Variants in TYW1B observed in about 807,000 individuals in gnomAD.
TYW1B encodes tRNA-yW synthesizing protein 1 homolog B.
Under a neutral mutation model 86.9 loss-of-function variants are expected in TYW1B, and 73 were observed. That is an observed-to-expected ratio of 0.84 (90% CI 0.70 to 1.02). TYW1B has a LOEUF of 1.02. Among genes scored for constraint, TYW1B ranks in the 50% least tolerant of loss-of-function variants. The pLI is 0.00. For synonymous variants in TYW1B, 248 were observed against 292.8 expected (o/e 0.85, Z 1.56); for missense variants, 637 against 827.4 (o/e 0.77, Z 2.82).
chr7:72,680,300 G>A (rs1286409493), intron 11 of TYW1B, among the ~76,000 whole-genome samples: 2 of 152,266 alleles, frequency 1.3e-5, no homozygotes, highest in Admixed American at 6.5e-5. Context: ...CTCAGTCTGG[G>A]TGGGCACCAT....
At chr7:72,818,031 C>T (rs1376526320) in intron 2 of TYW1B, among the ~76,000 whole-genome samples, 1 of 151,518 alleles carries the variant, frequency 6.6e-6, no homozygotes, top group African/African-American at 2.4e-5. Context: ...TTGCCGCCCT[C>T]CCCTTGGTGT....
intron 11 of TYW1B, among the ~76,000 whole-genome samples, chr7:72,647,478 T>C (rs1161076567): frequency 1.3e-5 from 2 of 152,196 alleles, no homozygotes; most frequent in African/African-American, 4.8e-5. Context: ...TCCCAAGGAA[T>C]GGCTAGATGA....
chr7:72,821,735 A>G (rs1464725451), intron 2 of TYW1B, among the ~76,000 whole-genome samples: 4 of 152,162 alleles, frequency 2.6e-5, no homozygotes, highest in Non-Finnish European at 5.9e-5. Flanking sequence ...GTTGTATAAA[A>G]AGAAGTCAAA....
intron 13 of TYW1B, among the ~76,000 whole-genome samples, chr7:72,579,726 T>C (rs184902822): frequency 1.3e-5 from 2 of 152,154 alleles, no homozygotes; most frequent in Middle Eastern, 3.2e-3. Flanking sequence ...CTATTGCACA[T>C]TGCAGCCTCA....
At position 72,802,309 on chromosome 7, in the gene TYW1B, G is replaced by A. The variant is rs111697557; in HGVS notation, c.846+91C>T. ...GAAGCTAGAGAAATGAAACTCCTCT[G>A]TGAGCTCAGATGGACTACACAGTAA... On this transcript the variant is annotated intron_variant, in intron 6 of 13. Transcript: ENST00000620995. 37 of 1,531,542 alleles carry A rather than the reference G, an allele frequency of 2.4e-5. No homozygotes were observed. In the African/African-American group the frequency reaches 4.9e-4, roughly 20 times the overall value. The allele number at this position is 1,531,542 out of a possible 1,614,324, so 94.9% of individuals were successfully genotyped here. A position where few individuals can be genotyped will look rare whatever the true frequency, so the allele number is the denominator to read the frequency against.
Position 72,777,641 on chromosome 7 carries a change from C to T in TYW1B, c.847-108G>A, listed in dbSNP as rs1389183387. On this transcript the variant is annotated intron_variant, in intron 6 of 13. Coordinates refer to ENST00000620995, the MANE Select transcript of TYW1B (RefSeq NM_001145440.3). ...TAAAAAGGTCCATTATGAGGCTGGG[C>T]ATAGTGGCTCACGCCTGTAATCCCA... The T allele has an allele frequency of 3.7e-6, 5 of 1,347,732 alleles. No homozygotes were observed. The African/African-American group carries it at 7.3e-5, about 20-fold the overall frequency. 83.5% of individuals were successfully genotyped at this position (1,347,732 alleles called of 1,614,324 possible).
chr7:72,766,654 C>A (rs1554468489), intron 7 of TYW1B, among the ~76,000 whole-genome samples: 7 of 149,180 alleles, frequency 4.7e-5, no homozygotes. Flanking sequence ...GGGCCAGGCG[C>A]AGTGGCTCAC....
chr7:72,809,873 G>A (rs1258645827), intron 4 of TYW1B, among the ~76,000 whole-genome samples: 6 of 151,914 alleles, frequency 3.9e-5, no homozygotes, highest in Admixed American at 3.3e-4. Context: ...GGTGGTGGGT[G>A]CCTGTAATCC....
chr7:72,691,805 C>T lies in TYW1B; in HGVS notation c.1506+2882G>A, dbSNP rs148239496. On this transcript the variant is annotated intron_variant, in intron 11 of 13. Transcript: ENST00000620995. ...CAAAGAAGGCATGGATTTAACTTCC[C>T]GGGCATAAAACAGCAAAAGAAACCC... Among the ~76,000 whole-genome samples, 419 of 152,142 alleles carry T rather than the reference C, an allele frequency of 2.8e-3. 1 individual carries two copies. Among genetic ancestry groups the T allele is most frequent in the African/African-American group, 8.9e-3 (370 of 41,470 alleles).
At chr7:72,621,134 A>G (rs1954708) in intron 12 of TYW1B, among the ~76,000 whole-genome samples, 26,166 of 149,646 alleles carry the variant, frequency 0.17, 2,791 homozygotes, top group East Asian at 0.56. Flanking sequence ...CACAAGGACA[A>G]TGTCCATCTG....
intron 7 of TYW1B, among the ~76,000 whole-genome samples, chr7:72,773,461 T>C (rs1272971405): frequency 6.6e-6 from 1 of 152,200 alleles, no homozygotes; most frequent in Non-Finnish European, 1.5e-5. Context: ...CTTACTGTCT[T>C]GAAACCTTCC....
At chr7:72,733,112 A>G (rs1248494849) in intron 8 of TYW1B, among the ~76,000 whole-genome samples, 1 of 151,810 alleles carries the variant, frequency 6.6e-6, no homozygotes, top group Non-Finnish European at 1.5e-5. Flanking sequence ...CCAACAAAGA[A>G]AAGTACACGG....
chr7:72,673,418 A>T (rs1255847375), intron 11 of TYW1B, among the ~76,000 whole-genome samples: 5 of 152,220 alleles, frequency 3.3e-5, no homozygotes, highest in African/African-American at 1.2e-4. Flanking sequence ...CTATTCACCC[A>T]TAAAAAAAGA....
chr7:72,783,252 GC>G (rs1337101384), intron 6 of TYW1B, among the ~76,000 whole-genome samples: 1 of 151,918 alleles, frequency 6.6e-6, no homozygotes, highest in Non-Finnish European at 1.5e-5. Flanking sequence ...ACAAAAATTA[GC>G]CGGGCGTGGT....
chr7:72,676,696 A>G (rs1554447490), intron 11 of TYW1B, among the ~76,000 whole-genome samples: 1 of 152,176 alleles, frequency 6.6e-6, no homozygotes, highest in African/African-American at 2.4e-5. Context: ...GTGGTGGCTC[A>G]TGCCTATAAT....
Position 72,768,869 on chromosome 7 carries a change from A to G in TYW1B, c.964+8547T>C. On this transcript the variant is annotated intron_variant, in intron 7 of 13. Transcript: ENST00000620995. ...CTTCTCTGATTCACAAACTCTAAGA[A>G]TGGTTTACTGTGGAGCAGTTGGAAG... 2 of 320,524 alleles carry G rather than the reference A, an allele frequency of 6.2e-6. 1 individual carries two copies. Among genetic ancestry groups the G allele is most frequent in the South Asian group, 7.1e-5 (2 of 28,030 alleles). 19.9% of individuals were successfully genotyped at this position (320,524 alleles called of 1,614,324 possible).
chr7:72,729,894 A>T (rs1232459778), intron 8 of TYW1B, among the ~76,000 whole-genome samples: 6 of 152,104 alleles, frequency 3.9e-5, no homozygotes, highest in African/African-American at 1.4e-4. Context: ...GACCCTAGCA[A>T]AGCCATGCCA....
chr7:72,593,820 TAAAAAAAAAAAA>T (rs59821679), intron 13 of TYW1B, among the ~76,000 whole-genome samples: 16 of 43,696 alleles, frequency 3.7e-4, no homozygotes, highest in African/African-American at 1.0e-3. Flanking sequence ...AGACTCCATC[TAAAAAAAAAAAA>T]AAAAAAAAAA....
intron 6 of TYW1B, among the ~76,000 whole-genome samples, chr7:72,786,395 TAA>T (rs1788129686): frequency 6.6e-6 from 1 of 152,040 alleles, no homozygotes; most frequent in African/African-American, 2.4e-5. Context: ...TTAAAGCTCA[TAA>T]AGCCCAAAAT....
Sources: gnomAD v4.1 joint callset for allele counts (sites outside exome capture counted in the v4.1 genomes callset) on GRCh38, gnomAD v4.1.1 for gene constraint, MANE v1.5 for transcripts, NCBI Gene and HGNC (gene_info 2026-07-23, HGNC 2026-07-21) for gene names.